TLE3: variants seen among roughly 807,000 people sequenced by gnomAD.
TLE3 encodes the protein transducin-like enhancer protein 3.
TLE3 carries 14 observed loss-of-function variants against 93.0 expected under a neutral mutation model. The observed-to-expected ratio is 0.15, with a 90% CI of 0.10 to 0.24. The LOEUF is 0.24. Among genes scored for constraint, TLE3 ranks in the 10% least tolerant of loss-of-function variants. The pLI is 1.00. For missense variants in TLE3, 693 were observed against 1,046.6 expected (o/e 0.66, Z 4.66); for synonymous variants, 451 against 425.0 (o/e 1.06, Z -0.75).
rs1172865800 is a variant in TLE3, at chr15:70,096,892, G to T, written c.-94C>A. 2 of 1,433,520 alleles carry T rather than the reference G, an allele frequency of 1.4e-6. No individual in the cohort carries two copies. Among genetic ancestry groups the T allele is most frequent in the East Asian group, 2.4e-5 (1 of 41,138 alleles). 88.8% of individuals were successfully genotyped at this position (1,433,520 alleles called of 1,614,324 possible). ...GGGGGGAGCCGAGCCCGAGCGGGGGGCGGCCGGGAAACCGAGAGCTCGCCC... is the reference window on the plus strand; with the variant it reads ...GGGGGGAGCCGAGCCCGAGCGGGGGTCGGCCGGGAAACCGAGAGCTCGCCC... On this transcript the variant is annotated 5_prime_UTR_variant, in exon 1 of 20. Coordinates refer to ENST00000451782, the MANE Select transcript of TLE3 (RefSeq NM_001105192.3).
At chr15:70,096,389 G>A in intron 1 of TLE3, 128 bp from the exon 2 acceptor site, 5 of 1,461,482 alleles carry the variant, frequency 3.4e-6, no homozygotes, top group Non-Finnish European at 4.5e-6. Context: ...TTCCCAGCAA[G>A]TTTCTCAGCT....
chr15:70,093,797 G>A (rs1317731022), intron 4 of TLE3, among the ~76,000 whole-genome samples: 4 of 152,284 alleles, frequency 2.6e-5, no homozygotes, highest in South Asian at 2.1e-4. Context: ...TCCATCAAAC[G>A]ACACCACACT....
At chr15:70,054,131 G>C (rs2055810202) in intron 16 of TLE3, 2 of 289,260 alleles carry the variant, frequency 6.9e-6, no homozygotes, top group Non-Finnish European at 6.5e-6. Flanking sequence ...TCCCTAATCT[G>C]GTCTCTGGGG....
rs987099583 is a variant in TLE3 at position 70,097,239 on chromosome 15, G to A, written c.-441C>T. The stretch of plus-strand genomic sequence containing the variant: ...CTCAGCGGGTCGCGCCTGTAGGGGG[G>A]CGCGCCGGGGCAGCCCCAAGCATCC... On this transcript the variant is annotated 5_prime_UTR_variant, in exon 1 of 20. Coordinates refer to ENST00000451782, the MANE Select transcript of TLE3 (RefSeq NM_001105192.3). 1.0e-4 allele frequency: 40 copies of A among 401,220 alleles called. No individual in the cohort carries two copies. The highest frequency in any genetic ancestry group is 6.5e-4 in the East Asian group (18 of 27,616). The allele number at this position is 401,220 out of a possible 1,614,324, so 24.9% of individuals were successfully genotyped here.
At position 70,049,238 on chromosome 15, in the gene TLE3, G is replaced by C. The variant is rs1258134059; in HGVS notation, c.*859C>G. ...GGAGAGACCAAGAAAGAGAGACACA[G>C]AGAGGGCAAGAGGCAGCCAGAGTGC... On this transcript the variant is annotated 3_prime_UTR_variant, in exon 20 of 20. Transcript: ENST00000451782. 2 of 152,448 alleles carry C rather than the reference G, an allele frequency of 1.3e-5. No individual in the cohort carries two copies. The highest frequency in any genetic ancestry group is 4.8e-5 in the African/African-American group (2 of 41,470). The allele number at this position is 152,448 out of a possible 1,614,324, so 9.4% of individuals were successfully genotyped here.
At chr15:70,064,587 C>T (rs921993069) in intron 7 of TLE3, 117 bp from the exon 8 acceptor site, 5 of 1,411,642 alleles carry the variant, frequency 3.5e-6, no homozygotes, top group Non-Finnish European at 4.9e-6. Context: ...TGCTAGTGCA[C>T]TGGTTTTAAA....
chr15:70,074,550 G>A lies in TLE3; in HGVS notation c.355C>T (p.Leu119=), dbSNP rs1444886206. ...ERAKQVTMTE[L]NAIIGQQQLQ... ...CCACGTACCCCGATGATGGCGTTCAGCTCCGTCATGGTGACCTGCTTGGCG... is the reference window on the plus strand; with the variant it reads ...CCACGTACCCCGATGATGGCGTTCAACTCCGTCATGGTGACCTGCTTGGCG... The change falls in exon 6 of 20, where the codon CTG becomes TTG. Residue 119 remains leucine (L), a synonymous_variant. Coordinates refer to ENST00000451782, the MANE Select transcript of TLE3 (RefSeq NM_001105192.3). 1.2e-6 allele frequency: 2 copies of A among 1,612,712 alleles called. No individual in the cohort carries two copies. The highest frequency in any genetic ancestry group is 4.5e-5 in the East Asian group (2 of 44,846).
intron 4 of TLE3, among the ~76,000 whole-genome samples, chr15:70,083,970 C>G (rs370099146): frequency 6.6e-6 from 1 of 152,210 alleles, no homozygotes; most frequent in African/African-American, 2.4e-5. Context: ...AGAGGGTCTT[C>G]TTTCTCCAAA....
chr15:70,066,366 GC>G, intron 6 of TLE3, 148 bp from the exon 7 acceptor site: 1 of 637,112 alleles, frequency 1.6e-6, no homozygotes, highest in South Asian at 2.4e-5. Flanking sequence ...CAAAACCTTT[GC>G]CCCCAGCTCA....
At chr15:70,060,382 TCTC>T (rs2056391163) in intron 9 of TLE3, 145 bp downstream of exon 9, 14 of 971,580 alleles carry the variant, frequency 1.4e-5, no homozygotes, top group Non-Finnish European at 2.1e-5. Context: ...CCCACCCTGC[TCTC>T]CTCAATAGGG....
chr15:70,061,187 A>C (rs2056450706), intron 8 of TLE3, among the ~76,000 whole-genome samples: 1 of 152,170 alleles, frequency 6.6e-6, no homozygotes, highest in Admixed American at 6.5e-5. Context: ...ATGAGCAGCC[A>C]AGCGTTCTGT....
intron 4 of TLE3, among the ~76,000 whole-genome samples, chr15:70,089,206 G>A (rs896932156): frequency 6.6e-6 from 1 of 152,184 alleles, no homozygotes; most frequent in African/African-American, 2.4e-5. Flanking sequence ...AAAGCCCTCA[G>A]TGAAGTCTGC....
chr15:70,050,362 G>A (rs1003769302), intron 19 of TLE3, 158 bp from the exon 20 acceptor site: 22 of 555,564 alleles, frequency 4.0e-5, no homozygotes, highest in East Asian at 2.9e-4. Context: ...AGCACAGTGC[G>A]GTGAAGAGGA....
intron 1 of TLE3, chr15:70,096,562 C>A: frequency 6.8e-7 from 1 of 1,468,332 alleles, no homozygotes; most frequent in Non-Finnish European, 9.2e-7. Context: ...TGAACAGCTC[C>A]CCCTGGAACA....
chr15:70,073,828 C>A (rs1489738107), intron 6 of TLE3, among the ~76,000 whole-genome samples: 1 of 152,214 alleles, frequency 6.6e-6, no homozygotes, highest in East Asian at 1.9e-4. Flanking sequence ...CCACTTGAAC[C>A]TAAGAAATGC....
In TLE3 at chr15:70,058,129, A is replaced by C; in HGVS notation, c.1051+30T>G. ...CAGACCCCCTCCCCCCAATCAGATTAACCCAGCCCATGGTGCCTACCCATT... is the reference window on the plus strand; with the variant it reads ...CAGACCCCCTCCCCCCAATCAGATTCACCCAGCCCATGGTGCCTACCCATT... On this transcript the variant is annotated intron_variant, in intron 12 of 19. Transcript: ENST00000451782. The surrounding 1 kb of genome is among the most constrained non-coding windows in gnomAD (Gnocchi z 4.1). 6.2e-7 allele frequency: 1 copy of C among 1,613,740 alleles called. No individual in the cohort carries two copies. The highest frequency in any genetic ancestry group is 8.5e-7 in the Non-Finnish European group (1 of 1,179,756).
Position 70,058,684 on chromosome 15 carries a change from G to A in TLE3, c.897C>T (p.Ser299=), listed in dbSNP as rs759517998. 27 of 1,605,094 alleles carry A rather than the reference G, an allele frequency of 1.7e-5. No individual in the cohort carries two copies. Among genetic ancestry groups the A allele is most frequent in the Non-Finnish European group, 2.0e-5 (24 of 1,175,828 alleles). ...SVASSSSTPS[S]KTKDLGHNDK... ...ATACATGACCAAGGTCTTTGGTCTTGGAGGAAGGTGTGCTACTGGAAGAGG... is the reference window on the plus strand; with the variant it reads ...ATACATGACCAAGGTCTTTGGTCTTAGAGGAAGGTGTGCTACTGGAAGAGG... The change falls in exon 11 of 20, where the codon TCC becomes TCT. Residue 299 remains serine, a synonymous_variant. Coordinates refer to ENST00000451782, the MANE Select transcript of TLE3 (RefSeq NM_001105192.3). This position sits in a 1 kb window ranked among gnomAD's most constrained non-coding sequence, Gnocchi z 4.1.
chr15:70,095,950 G>T lies in TLE3; in HGVS notation c.125+211C>A, dbSNP rs868734291. The T allele has an allele frequency of 7.2e-5, 49 of 680,818 alleles. No individual in the cohort carries two copies. The African/African-American group carries it at 8.8e-4, about 12-fold the overall frequency. The allele number at this position is 680,818 out of a possible 1,614,324, so 42.2% of individuals were successfully genotyped here. On this transcript the variant is annotated intron_variant, in intron 2 of 19. Coordinates refer to ENST00000451782, the MANE Select transcript of TLE3 (RefSeq NM_001105192.3). ...TCGCCGCGACCTAGACCCTCATTCGGGGACCCCACGGGCGGCGCTGGGAGC... is the reference window on the plus strand; with the variant it reads ...TCGCCGCGACCTAGACCCTCATTCGTGGACCCCACGGGCGGCGCTGGGAGC...
At chr15:70,093,600 A>G (rs2058404026) in intron 4 of TLE3, among the ~76,000 whole-genome samples, 1 of 152,240 alleles carries the variant, frequency 6.6e-6, no homozygotes, top group Admixed American at 6.5e-5. Context: ...AGTCAACTCT[A>G]AACGTTGGCC....
Sources: gnomAD v4.1 joint callset for allele counts (sites outside exome capture counted in the v4.1 genomes callset) on GRCh38, gnomAD v4.1.1 for gene constraint, Gnocchi (gnomAD v3.1) non-coding constraint, MANE v1.5 for transcripts, NCBI Gene and HGNC (gene_info 2026-07-23, HGNC 2026-07-21) for gene names.